UNC45A: variants seen among roughly 807,000 people sequenced by gnomAD.
UNC45A encodes the protein protein unc-45 homolog A.
A neutral mutation model predicts 103.2 loss-of-function variants in UNC45A; 78 were observed. The observed-to-expected ratio is 0.76, with a 90% CI of 0.63 to 0.91. The LOEUF (loss-of-function observed/expected upper bound fraction) is 0.91, where lower values mean the gene tolerates loss of function less well. Ranked by LOEUF, UNC45A falls within the 40% of genes least tolerant of loss-of-function variation. The pLI, the probability that UNC45A is intolerant of heterozygous loss-of-function variation, is 0.00. For missense variants in UNC45A, 1,193 were observed against 1,224.8 expected, an observed-to-expected ratio of 0.97 and a Z score of 0.39; for synonymous variants, 495 against 504.6, an observed-to-expected ratio of 0.98 and a Z score of 0.25.
At chr15:90,933,486 AT>A (rs2035878141), upstream of UNC45A, 1 of 152,160 alleles carries the variant, frequency 6.6e-6, no homozygotes, top group African/African-American at 2.4e-5. Context: ...GTATACTCTA[AT>A]CAGACATGTA....
chr15:90,949,482 C>A (rs1297621925), intron 14 of UNC45A, 39 bp downstream of exon 14: 1 of 1,610,532 alleles, frequency 6.2e-7, no homozygotes, highest in Non-Finnish European at 8.5e-7. Flanking sequence ...TTCCCAACTC[C>A]TGAGCCTCAG....
At position 90,948,793 on chromosome 15, in the gene UNC45A, A is replaced by C; in HGVS notation, c.1877A>C (p.Lys626Thr). The C allele has an allele frequency of 6.2e-7, 1 of 1,602,076 alleles. No homozygotes were observed. Residue 626 changes from lysine (K) to threonine (T), a missense_variant and splice_region_variant, in exon 13 of 20, where the codon AAG becomes ACG. Transcript: ENST00000418476. The part of the protein sequence containing the change: ...AKQHVPEQHP[K>T]DKPSFVRARV... ...CAGCATGTGCCCGAGCAGCACCCCA[A>C]GGTGAGGGGCCGCCAGAGGGGCTAG... is the stretch of plus-strand genomic sequence containing the variant.
Position 90,953,277 on chromosome 15 carries a change from G to A in UNC45A, c.2544G>A (p.Met848Ile), listed in dbSNP as rs1596246655. The A allele has an allele frequency of 3.1e-6, 5 of 1,612,460 alleles. No homozygotes were observed. The Admixed American group carries it at 8.3e-5, about 27-fold the overall frequency. Residue 848 changes from methionine (M) to isoleucine (I), a missense_variant, in exon 19 of 20, where the codon ATG becomes ATA. Coordinates refer to ENST00000418476, the MANE Select transcript of UNC45A (RefSeq NM_018671.5). ...GGGGCTTGGCCATGCTTACCTCCAT[G>A]CGGCCCACGCTCTGCAGCCGCATTC... Reference protein sequence around the residue: ...AAGGLAMLTSMRPTLCSRIPQ... With the variant: ...AAGGLAMLTSIRPTLCSRIPQ...
At chr15:90,948,619 G>A (rs201302051) in intron 12 of UNC45A, 35 bp from the exon 13 acceptor site, 11 of 1,608,936 alleles carry the variant, frequency 6.8e-6, no homozygotes, top group Admixed American at 3.3e-5. Flanking sequence ...GCTCTGCCCC[G>A]GGATGCCCAT....
intron 17 of UNC45A, among the ~76,000 whole-genome samples, chr15:90,951,769 T>C (rs528115081): frequency 6.6e-6 from 1 of 151,116 alleles, no homozygotes; most frequent in Non-Finnish European, 1.5e-5. Flanking sequence ...GGAAAAAAAA[T>C]TTGCAAGGTG....
upstream of UNC45A, chr15:90,931,488 A>G (rs1312834449): frequency 6.2e-7 from 1 of 1,614,184 alleles, no homozygotes; most frequent in Non-Finnish European, 8.5e-7. Flanking sequence ...AGCTTGGTTC[A>G]AGGCCATGAG....
chr15:90,936,230 C>G (rs537959471), intron 3 of UNC45A, 55 bp from the exon 4 acceptor site: 103 of 1,567,370 alleles, frequency 6.6e-5, no homozygotes, highest in Non-Finnish European at 8.5e-5. Flanking sequence ...CCCTACTGCT[C>G]TTGCCTGGAG....
chr15:90,952,960 A>C lies in UNC45A; in HGVS notation c.2335A>C (p.Met779Leu). Reference protein sequence around the residue: ...QKILKEKAVPMIEGYMFEEHE... With the variant: ...QKILKEKAVPLIEGYMFEEHE... ...GATCCTGAAGGAGAAGGCTGTGCCC[A>C]TGATAGAAGGCTACATGTTTGAGGA... Residue 779 changes from methionine to leucine, a missense_variant, in exon 18 of 20, where the codon ATG (methionine) becomes CTG (leucine). Transcript: ENST00000418476. 1.2e-6 allele frequency: 2 copies of C among 1,613,400 alleles called. No homozygotes were observed. Among genetic ancestry groups the C allele is most frequent in the Non-Finnish European group, 1.7e-6 (2 of 1,180,036 alleles).
rs986693051 is a variant in UNC45A at position 90,950,287 on chromosome 15, G to A, written c.2187+20G>A. 15 of 1,550,832 alleles carry A rather than the reference G, an allele frequency of 9.7e-6. No homozygotes were observed. The highest frequency in any genetic ancestry group is 1.7e-4 in the Middle Eastern group (1 of 6,012). ...GAGCGGGTACGTGTCTTCCTGCCCC[G>A]GCCTTTCCACTCCCTCTGTCCCTGA... On this transcript the variant is annotated intron_variant, in intron 16 of 19. Transcript: ENST00000418476.
At chr15:90,941,382 G>A (rs1170422919) in intron 6 of UNC45A, among the ~76,000 whole-genome samples, 1 of 152,186 alleles carries the variant, frequency 6.6e-6, no homozygotes, top group Admixed American at 6.5e-5. Flanking sequence ...CAGGGGAGAG[G>A]GGACCAAAGA....
Position 90,939,752 on chromosome 15 carries a change from G to A in UNC45A, c.448G>A (p.Asp150Asn). The change falls in exon 5 of 20, where the codon GAT becomes AAT. Residue 150 changes from aspartate (D) to asparagine (N), a missense_variant. Physicochemically the swap from Asp to Asn is conservative, Grantham distance 23. Coordinates refer to ENST00000418476, the MANE Select transcript of UNC45A (RefSeq NM_018671.5). ...QEKVRYMSST[D>N]AKVEQMFQIL... ...CTAGGTGCGATACATGTCCTCGACG[G>A]ATGCCAAAGTGGAACAGATGTTTCA... The A allele has an allele frequency of 6.2e-7, 1 of 1,614,232 alleles. No individual in the cohort carries two copies. Among genetic ancestry groups the A allele is most frequent in the Non-Finnish European group, 8.5e-7 (1 of 1,180,034 alleles).
At position 90,935,936 on chromosome 15, in the gene UNC45A, T is replaced by C. The variant is rs753801687; in HGVS notation, c.214-10T>C. On this transcript the variant is annotated splice_polypyrimidine_tract_variant and intron_variant, in intron 2 of 19. Coordinates refer to ENST00000418476, the MANE Select transcript of UNC45A (RefSeq NM_018671.5). The stretch of plus-strand genomic sequence containing the variant: ...GACCATTCCTTCAGGCTCCTGTCTT[T>C]CTCTTACAGGAAGATTACGACAAAG... 2 of 1,614,048 alleles carry C rather than the reference T, an allele frequency of 1.2e-6. No homozygotes were observed. Among genetic ancestry groups the C allele is most frequent in the Non-Finnish European group, 1.7e-6 (2 of 1,180,000 alleles).
intron 17 of UNC45A, among the ~76,000 whole-genome samples, chr15:90,951,568 C>G (rs1334386041): frequency 6.6e-6 from 1 of 151,514 alleles, no homozygotes; most frequent in African/African-American, 2.4e-5. Context: ...TTCAGGCCAG[C>G]CTGAGCAGTG....
Position 90,953,497 on chromosome 15 carries a change from G to A in UNC45A, c.2616G>A (p.Leu872=), listed in dbSNP as rs1198979208. 1.9e-6 allele frequency: 3 copies of A among 1,614,052 alleles called. No homozygotes were observed. The highest frequency in any genetic ancestry group is 2.5e-6 in the Non-Finnish European group (3 of 1,180,036). The change falls in exon 20 of 20, where the codon CTG becomes CTA. Residue 872 remains leucine, a synonymous_variant. Transcript: ENST00000418476. The part of the protein sequence containing the change: ...HWLEILQALL[L]SSNQELQHRG... ...TGGAGATCCTGCAGGCCCTGCTTCT[G>A]AGCTCCAACCAGGAGCTGCAGCACC...
At chr15:90,942,057 GA>G (rs994762350) in intron 6 of UNC45A, among the ~76,000 whole-genome samples, 1 of 152,056 alleles carries the variant, frequency 6.6e-6, no homozygotes, top group African/African-American at 2.4e-5. Context: ...GGTGTGGAAA[GA>G]ACCTCAGGGT....
At position 90,936,266 on chromosome 15, in the gene UNC45A, C is replaced by T. The variant is rs531588582; in HGVS notation, c.251-19C>T. The stretch of plus-strand genomic sequence containing the variant: ...ACAGTGGCCTCATGGGTGCTGACAG[C>T]GCTCCTGTTTGTGCTCAGCCATTGA... On this transcript the variant is annotated intron_variant, in intron 3 of 19. Coordinates refer to ENST00000418476, the MANE Select transcript of UNC45A (RefSeq NM_018671.5). 10 of 1,603,970 alleles carry T rather than the reference C, an allele frequency of 6.2e-6. No homozygotes were observed. The South Asian group carries it at 8.9e-5, about 14-fold the overall frequency.
At chr15:90,931,305 A>G (rs1213310690), upstream of UNC45A, 3 of 1,550,900 alleles carry the variant, frequency 1.9e-6, no homozygotes, top group Non-Finnish European at 2.6e-6. Flanking sequence ...GCTTGAACAG[A>G]TGCTTTAGAG....
intron 14 of UNC45A, 82 bp from the exon 15 acceptor site, chr15:90,949,572 C>G: frequency 6.2e-7 from 1 of 1,601,216 alleles, no homozygotes; most frequent in Non-Finnish European, 8.5e-7. Flanking sequence ...TGCGTGGCTG[C>G]CGTCTTTGCT....
upstream of UNC45A, chr15:90,933,878 C>A (rs908563686): frequency 4.3e-5 from 17 of 394,924 alleles, no homozygotes; most frequent in African/African-American, 2.3e-4. Context: ...CAGTCCCTGT[C>A]ATCTCTCTCT....
Sources: gnomAD v4.1 joint callset for allele counts (sites outside exome capture counted in the v4.1 genomes callset) on GRCh38, gnomAD v4.1.1 for gene constraint, MANE v1.5 for transcripts, NCBI Gene and HGNC (gene_info 2026-07-23, HGNC 2026-07-21) for gene names.